PPP4R4: variants seen among roughly 807,000 people sequenced by gnomAD.
PPP4R4 encodes the protein protein phosphatase 4 regulatory subunit 4, also known as serine/threonine-protein phosphatase 4 regulatory subunit 4.
In PPP4R4, 70 loss-of-function variants were observed where a neutral mutation model predicts 121.8. That is an observed-to-expected ratio of 0.57 (90% confidence interval 0.47 to 0.70). PPP4R4 has a LOEUF of 0.70. PPP4R4 is among the 30% of genes least tolerant of loss of function. The pLI, the probability that PPP4R4 is intolerant of heterozygous loss-of-function variation, is 0.00. For synonymous variants in PPP4R4, 348 were observed against 355.7 expected, an observed-to-expected ratio of 0.98 and a Z score of 0.24; for missense variants, 875 against 1,033.6, an observed-to-expected ratio of 0.85 and a Z score of 2.10.
intron 3 of PPP4R4, among the ~76,000 whole-genome samples, chr14:94,222,489 A>G (rs1891461028): frequency 6.6e-6 from 1 of 151,646 alleles, no homozygotes; most frequent in African/African-American, 2.4e-5. Flanking sequence ...CAGGTCTCCT[A>G]GATATTGTTT....
chr14:94,279,606 T>C lies in PPP4R4; in HGVS notation c.*963T>C, dbSNP rs1011709508. ...CTATATTGATATTAGAAGATATTTGTTTTTTAAAATATATTGATGTATGAT... is the reference window on the plus strand; with the variant it reads ...CTATATTGATATTAGAAGATATTTGCTTTTTAAAATATATTGATGTATGAT... On this transcript the variant is annotated 3_prime_UTR_variant, in exon 25 of 25. Coordinates refer to ENST00000304338, the MANE Select transcript of PPP4R4 (RefSeq NM_058237.2). 6.6e-6 allele frequency: 1 copy of C among 152,630 alleles called. No individual in the cohort carries two copies. The highest frequency in any genetic ancestry group is 1.9e-4 in the East Asian group (1 of 5,200). The allele number at this position is 152,630 out of a possible 1,614,324, so 9.5% of individuals were successfully genotyped here.
At position 94,279,173 on chromosome 14, in the gene PPP4R4, G is replaced by A. The variant is rs1243672388; in HGVS notation, c.*530G>A. ...CAAATAGCCGTCTGCGATTTTGGCGGCCCTCCGGATTGTGGTGACAATATG... is the reference window on the plus strand; with the variant it reads ...CAAATAGCCGTCTGCGATTTTGGCGACCCTCCGGATTGTGGTGACAATATG... On this transcript the variant is annotated 3_prime_UTR_variant, in exon 25 of 25. Transcript: ENST00000304338. 1 of 152,566 alleles carries A rather than the reference G, an allele frequency of 6.6e-6. No individual in the cohort carries two copies. Among genetic ancestry groups the A allele is most frequent in the African/African-American group, 2.4e-5 (1 of 41,432 alleles). The allele number at this position is 152,566 out of a possible 1,614,324, so 9.5% of individuals were successfully genotyped here.
intron 3 of PPP4R4, among the ~76,000 whole-genome samples, chr14:94,214,813 A>C (rs1890937543): frequency 6.6e-6 from 1 of 152,198 alleles, no homozygotes; most frequent in South Asian, 2.1e-4. Context: ...TTTTGAGCAT[A>C]AATATGATGC....
intron 19 of PPP4R4, among the ~76,000 whole-genome samples, chr14:94,262,664 T>G (rs1893845819): frequency 6.6e-6 from 1 of 152,066 alleles, no homozygotes; most frequent in Non-Finnish European, 1.5e-5. Flanking sequence ...GAATACACTC[T>G]TAGTGTAAAC....
At chr14:94,252,148 G>T (rs771966211) in intron 16 of PPP4R4, among the ~76,000 whole-genome samples, 73 of 152,048 alleles carry the variant, frequency 4.8e-4, no homozygotes, top group Non-Finnish European at 8.7e-4. Flanking sequence ...AAGCTTCTTC[G>T]GCCATTTGGA....
chr14:94,199,249 A>G (rs1466747719), intron 2 of PPP4R4, among the ~76,000 whole-genome samples: 2 of 152,236 alleles, frequency 1.3e-5, no homozygotes, highest in African/African-American at 4.8e-5. Flanking sequence ...TATATTTCAT[A>G]TTGAAATAGG....
chr14:94,247,116 C>T (rs1892937112), intron 14 of PPP4R4, among the ~76,000 whole-genome samples: 1 of 152,230 alleles, frequency 6.6e-6, no homozygotes, highest in South Asian at 2.1e-4. Flanking sequence ...CAAGGTGGCA[C>T]TCAAGCCTCC....
At chr14:94,190,348 C>T (rs1475372007) in intron 2 of PPP4R4, among the ~76,000 whole-genome samples, 1 of 152,138 alleles carries the variant, frequency 6.6e-6, no homozygotes, top group Non-Finnish European at 1.5e-5. Flanking sequence ...TGGCTCACGC[C>T]TGTAATCCTG....
chr14:94,181,092 T>G (rs1888960221), intron 2 of PPP4R4, among the ~76,000 whole-genome samples: 1 of 152,200 alleles, frequency 6.6e-6, no homozygotes, highest in Admixed American at 6.5e-5. Flanking sequence ...AGTGGAAAGT[T>G]GTGTGAAAAA....
intron 5 of PPP4R4, among the ~76,000 whole-genome samples, chr14:94,231,881 C>A (rs1323653126): frequency 6.6e-6 from 1 of 152,048 alleles, no homozygotes; most frequent in African/African-American, 2.4e-5. Context: ...CTTTTATCAG[C>A]AATAGTGTTT....
In PPP4R4 at chr14:94,265,079, G is replaced by A. The variant is rs977046292; in HGVS notation, c.2197+132G>A. 2.9e-5 allele frequency: 26 copies of A among 884,086 alleles called. 1 individual carries two copies. The highest frequency in any genetic ancestry group is 7.8e-5 in the East Asian group (3 of 38,474). The allele number at this position is 884,086 out of a possible 1,614,324, so 54.8% of individuals were successfully genotyped here. A position where few individuals can be genotyped will look rare whatever the true frequency, so the allele number is the denominator to read the frequency against. On this transcript the variant is annotated intron_variant, in intron 20 of 24. Transcript: ENST00000304338. ...TACTTTCTTTCATTTTTGAAAAGTC[G>A]TTTTTGAAAATTGGCCACTTAATGT...
chr14:94,225,183 C>CT (rs1555355457), intron 3 of PPP4R4, among the ~76,000 whole-genome samples: 3 of 152,168 alleles, frequency 2.0e-5, no homozygotes, highest in African/African-American at 7.2e-5. Flanking sequence ...CGAGGTAACT[C>CT]TAATCAACTC....
chr14:94,244,365 G>T lies in PPP4R4; in HGVS notation c.1267-270G>T, dbSNP rs1323407527. Among the ~76,000 whole-genome samples, 8 of 152,168 alleles carry T rather than the reference G, an allele frequency of 5.3e-5. No individual in the cohort carries two copies. In the East Asian group the frequency reaches 1.5e-3, roughly 29 times the overall value. On this transcript the variant is annotated intron_variant, in intron 11 of 24. Transcript: ENST00000304338. ...AGGCCCCTGTGGGCTTGTTATTGCT[G>T]TTGATGTGAAAGTAATGACTCTGGT...
intron 23 of PPP4R4, among the ~76,000 whole-genome samples, chr14:94,272,273 G>A (rs1894377438): frequency 6.6e-6 from 1 of 152,154 alleles, no homozygotes. Flanking sequence ...TAAAGCTACA[G>A]CGATCAAGAC....
At chr14:94,193,786 A>C (rs552151926) in intron 2 of PPP4R4, among the ~76,000 whole-genome samples, 1 of 152,342 alleles carries the variant, frequency 6.6e-6, no homozygotes, top group Admixed American at 6.5e-5. Flanking sequence ...GAGATGGAAT[A>C]TTTCCAGATA....
intron 11 of PPP4R4, among the ~76,000 whole-genome samples, chr14:94,243,592 AC>A (rs1313362872): frequency 6.6e-6 from 1 of 152,158 alleles, no homozygotes; most frequent in Non-Finnish European, 1.5e-5. Flanking sequence ...ATAACATAGC[AC>A]CATATAATTA....
chr14:94,198,153 G>A (rs891207179), intron 2 of PPP4R4, among the ~76,000 whole-genome samples: 2 of 152,090 alleles, frequency 1.3e-5, no homozygotes, highest in Non-Finnish European at 2.9e-5. Flanking sequence ...TATTCCATCA[G>A]TAGTATGTGA....
intron 2 of PPP4R4, among the ~76,000 whole-genome samples, chr14:94,190,404 T>C (rs1407007758): frequency 6.6e-6 from 1 of 152,016 alleles, no homozygotes; most frequent in East Asian, 1.9e-4. Context: ...GGTCAGGAGT[T>C]TGAGACCAGC....
chr14:94,233,761 T>A lies in PPP4R4; in HGVS notation c.623+2T>A, dbSNP rs554002791. ...GACCAACAAATTTGATGCCCACACG[T>A]GAGTATTTGTATGTAATTTTCGGTC... On this transcript the variant is annotated splice_donor_variant, in intron 6 of 24. Coordinates refer to ENST00000304338, the MANE Select transcript of PPP4R4 (RefSeq NM_058237.2). LOFTEE classifies it high-confidence loss of function. 6.6e-7 allele frequency: 1 copy of A among 1,524,130 alleles called. No homozygotes were observed. Among genetic ancestry groups the A allele is most frequent in the African/African-American group, 1.4e-5 (1 of 72,730 alleles). 94.4% of individuals were successfully genotyped at this position (1,524,130 alleles called of 1,614,324 possible).
Sources: gnomAD v4.1 joint callset for allele counts (sites outside exome capture counted in the v4.1 genomes callset) on GRCh38, gnomAD v4.1.1 for gene constraint, MANE v1.5 for transcripts, NCBI Gene and HGNC (gene_info 2026-07-23, HGNC 2026-07-21) for gene names.